The following SYNDIG1 variants were observed in gnomAD, a reference collection of about 807,000 sequenced individuals.
The protein encoded by SYNDIG1 is synapse differentiation inducing 1.
SYNDIG1 carries 9 observed loss-of-function variants against 19.4 expected under a neutral mutation model. That is an observed-to-expected ratio of 0.46 (90% CI 0.28 to 0.81). The LOEUF (loss-of-function observed/expected upper bound fraction) is 0.81. Ranked by LOEUF, SYNDIG1 falls within the 30% of genes least tolerant of loss-of-function variation. SYNDIG1 has a pLI of 0.12. For synonymous variants in SYNDIG1, 141 were observed against 145.9 expected (o/e 0.97, Z 0.24); for missense variants, 311 against 343.3 (o/e 0.91, Z 0.74).
At chr20:24,503,909 G>A (rs537056410) in intron 1 of SYNDIG1, among the ~76,000 whole-genome samples, 2 of 151,844 alleles carry the variant, frequency 1.3e-5, no homozygotes, top group South Asian at 4.2e-4. Flanking sequence ...GACATTTCAT[G>A]AGGATTGCTG....
At chr20:24,600,315 A>C (rs1330074188) in intron 3 of SYNDIG1, among the ~76,000 whole-genome samples, 3 of 152,190 alleles carry the variant, frequency 2.0e-5, no homozygotes, top group African/African-American at 7.2e-5. Context: ...GGGATTGTCA[A>C]ACCTTTCCTA....
intron 1 of SYNDIG1, among the ~76,000 whole-genome samples, chr20:24,491,015 T>A (rs1436981276): frequency 1.3e-5 from 2 of 152,146 alleles, no homozygotes; most frequent in Admixed American, 6.5e-5. Context: ...GAGCTCCTCG[T>A]GCGTCTGGTT....
At chr20:24,539,370 T>C (rs901670431) in intron 1 of SYNDIG1, among the ~76,000 whole-genome samples, 1 of 152,214 alleles carries the variant, frequency 6.6e-6, no homozygotes, top group Non-Finnish European at 1.5e-5. Context: ...CCCTATTGAA[T>C]GGTGTTGGCA....
intron 1 of SYNDIG1, among the ~76,000 whole-genome samples, chr20:24,510,990 C>G (rs1011910110): frequency 6.6e-6 from 1 of 152,156 alleles, no homozygotes; most frequent in African/African-American, 2.4e-5. Flanking sequence ...GTCTTAAATT[C>G]AGTAGTTATT....
rs752533001 is a variant in SYNDIG1 at position 24,543,020 on chromosome 20, G to A, written c.-78G>A. ...TCATCTCTGTTTTCTCCTCCTCCAG[G>A]AGAAATGGCTTCCCTGAGGCAAGTG... On this transcript the variant is annotated splice_region_variant and 5_prime_UTR_variant, in exon 2 of 4. Coordinates refer to ENST00000376862, the MANE Select transcript of SYNDIG1 (RefSeq NM_024893.3). The A allele has an allele frequency of 9.6e-5, 149 of 1,549,364 alleles. No individual in the cohort carries two copies. The highest frequency in any genetic ancestry group is 1.9e-5 in the Non-Finnish European group (22 of 1,146,582).
intron 3 of SYNDIG1, among the ~76,000 whole-genome samples, chr20:24,607,233 A>G (rs752566017): frequency 1.4e-4 from 21 of 151,942 alleles, no homozygotes; most frequent in Admixed American, 6.6e-5. Context: ...GGTGGCGTGC[A>G]TCTGTAATCC....
intron 3 of SYNDIG1, among the ~76,000 whole-genome samples, chr20:24,616,099 TA>T (rs1310162291): frequency 2.6e-5 from 4 of 152,202 alleles, no homozygotes; most frequent in African/African-American, 9.6e-5. Flanking sequence ...ATCACTACTT[TA>T]AAAATGCAAA....
chr20:24,588,712 G>A (rs1447017267), intron 3 of SYNDIG1, among the ~76,000 whole-genome samples: 1 of 152,210 alleles, frequency 6.6e-6, no homozygotes, highest in African/African-American at 2.4e-5. Context: ...GGCTTTGGTT[G>A]TGGTGTGAAA....
intron 1 of SYNDIG1, among the ~76,000 whole-genome samples, chr20:24,493,991 A>T (rs962192158): frequency 1.4e-4 from 22 of 152,174 alleles, no homozygotes; most frequent in African/African-American, 5.3e-4. Flanking sequence ...AGAGCCGCGG[A>T]TACTGGCCTT....
chr20:24,471,618 AAG>A (rs961558628), intron 1 of SYNDIG1, among the ~76,000 whole-genome samples: 36 of 151,466 alleles, frequency 2.4e-4, no homozygotes, highest in African/African-American at 8.7e-4. Context: ...AAAAAAAAAA[AAG>A]GAAAGAAAAG....
chr20:24,662,915 A>G (rs750074948), intron 3 of SYNDIG1, among the ~76,000 whole-genome samples: 4 of 152,204 alleles, frequency 2.6e-5, no homozygotes, highest in South Asian at 2.1e-4. Flanking sequence ...CCCTGCCCTC[A>G]TGCACACCAA....
At chr20:24,639,022 G>T (rs1260596390) in intron 3 of SYNDIG1, among the ~76,000 whole-genome samples, 2 of 152,076 alleles carry the variant, frequency 1.3e-5, no homozygotes, top group African/African-American at 4.8e-5. Flanking sequence ...TCAGCAGCAG[G>T]TGTCTGACAT....
intron 1 of SYNDIG1, among the ~76,000 whole-genome samples, chr20:24,529,513 T>C (rs889633254): frequency 5.9e-5 from 9 of 152,250 alleles, no homozygotes; most frequent in Non-Finnish European, 1.2e-4. Flanking sequence ...CATAGACATA[T>C]GTGCATGAAT....
chr20:24,564,272 A>C (rs2146899039), intron 2 of SYNDIG1, among the ~76,000 whole-genome samples: 1 of 152,334 alleles, frequency 6.6e-6, no homozygotes, highest in South Asian at 2.1e-4. Flanking sequence ...TTTGTATTAC[A>C]ATACAGTTCA....
At chr20:24,482,366 G>T (rs1274443463) in intron 1 of SYNDIG1, among the ~76,000 whole-genome samples, 1 of 152,154 alleles carries the variant, frequency 6.6e-6, no homozygotes, top group Non-Finnish European at 1.5e-5. Context: ...ACCACGCCCG[G>T]CCGTGCATCT....
intron 3 of SYNDIG1, among the ~76,000 whole-genome samples, chr20:24,629,975 A>C (rs1018349658): frequency 6.6e-6 from 1 of 152,166 alleles, no homozygotes; most frequent in Non-Finnish European, 1.5e-5. Context: ...GAGGTCATGC[A>C]CAAGTGCCTG....
intron 2 of SYNDIG1, among the ~76,000 whole-genome samples, chr20:24,544,062 G>T (rs756573805): frequency 6.6e-6 from 1 of 152,208 alleles, no homozygotes; most frequent in Admixed American, 6.5e-5. Flanking sequence ...GAACCGTGCT[G>T]GAAGAAAGTG....
rs1008894266 is a variant in SYNDIG1, at chr20:24,590,280, G to A, written c.618+5287G>A. Among the ~76,000 whole-genome samples the A allele has an allele frequency of 3.3e-5, 5 of 152,212 alleles. No individual in the cohort carries two copies. In the East Asian group the frequency reaches 7.8e-4, roughly 24 times the overall value. On this transcript the variant is annotated intron_variant, in intron 3 of 3. Coordinates refer to ENST00000376862, the MANE Select transcript of SYNDIG1 (RefSeq NM_024893.3). ...CACGTGGGGCAGGTGGGGCCGGCGC[G>A]GCGGGGCTGGGGGCCGCGGGTGTGG...
At chr20:24,484,444 AAGAC>A (rs1017507186) in intron 1 of SYNDIG1, among the ~76,000 whole-genome samples, 12 of 152,130 alleles carry the variant, frequency 7.9e-5, no homozygotes, top group African/African-American at 2.9e-4. Context: ...TTTCTAGTAA[AAGAC>A]AGGTTGCGTG....
Sources: allele counts gnomAD v4.1 joint callset (sites outside exome capture counted in the v4.1 genomes callset), GRCh38; gene constraint gnomAD v4.1.1; transcripts MANE v1.5; gene names NCBI Gene and HGNC (gene_info 2026-07-23, HGNC 2026-07-21).